FAM171A1: variants seen among roughly 807,000 people sequenced by gnomAD.
FAM171A1 encodes protein FAM171A1.
A neutral mutation model predicts 74.9 loss-of-function variants in FAM171A1; 23 were observed. The observed-to-expected ratio is 0.31, with a 90% CI of 0.22 to 0.44. FAM171A1 has a LOEUF of 0.44. Among genes scored for constraint, FAM171A1 ranks in the 20% least tolerant of loss-of-function variants. The pLI is 1.00. For synonymous variants in FAM171A1, 527 were observed against 505.7 expected (o/e 1.04, Z -0.57); for missense variants, 1,162 against 1,159.2 (o/e 1.00, Z -0.03).
At chr10:15,346,224 G>C (rs1835816006) in intron 1 of FAM171A1, among the ~76,000 whole-genome samples, 2 of 152,230 alleles carry the variant, frequency 1.3e-5, no homozygotes, top group East Asian at 3.9e-4. Flanking sequence ...GCTTCCCAAG[G>C]AGTTGGGACT....
intron 1 of FAM171A1, among the ~76,000 whole-genome samples, chr10:15,305,325 G>A (rs1474385387): frequency 6.6e-6 from 1 of 152,134 alleles, no homozygotes; most frequent in Non-Finnish European, 1.5e-5. Flanking sequence ...AAAAGACTCA[G>A]TATCAGACCT....
intron 3 of FAM171A1, among the ~76,000 whole-genome samples, chr10:15,266,866 CAAAA>C (rs1156974565): frequency 3.4e-4 from 19 of 55,234 alleles, no homozygotes; most frequent in African/African-American, 8.6e-4. Flanking sequence ...GAGACTGTTT[CAAAA>C]AAAAAAAAAA....
In FAM171A1 at chr10:15,327,624, C is replaced by A. The variant is rs557151816; in HGVS notation, c.97+43332G>T. On this transcript the variant is annotated intron_variant, in intron 1 of 7. Transcript: ENST00000378116. ...CGTGATTGCACCACTGCAGTCTAGC[C>A]TGGGAGACAAAACAAGACTCTGTCT... is the stretch of plus-strand genomic sequence containing the variant. Among the ~76,000 whole-genome samples the A allele has an allele frequency of 2.6e-5, 4 of 152,162 alleles. No individual in the cohort carries two copies. In the South Asian group the frequency reaches 8.3e-4, roughly 32 times the overall value.
At chr10:15,310,506 A>T (rs1835347347) in intron 1 of FAM171A1, among the ~76,000 whole-genome samples, 1 of 152,040 alleles carries the variant, frequency 6.6e-6, no homozygotes, top group Non-Finnish European at 1.5e-5. Flanking sequence ...CTGTTCTGCA[A>T]CCCAATACCA....
At chr10:15,227,452 G>C (rs1440528110) in intron 5 of FAM171A1, among the ~76,000 whole-genome samples, 1 of 152,154 alleles carries the variant, frequency 6.6e-6, no homozygotes, top group Non-Finnish European at 1.5e-5. Context: ...GTGCAATCAT[G>C]GCTCACTGTA....
intron 1 of FAM171A1, among the ~76,000 whole-genome samples, chr10:15,314,852 C>T (rs1344143793): frequency 6.6e-6 from 1 of 152,218 alleles, no homozygotes; most frequent in Non-Finnish European, 1.5e-5. Flanking sequence ...CAAGCCAGCA[C>T]CCCTGCCACC....
At chr10:15,347,110 T>C (rs930708445) in intron 1 of FAM171A1, among the ~76,000 whole-genome samples, 4 of 152,232 alleles carry the variant, frequency 2.6e-5, no homozygotes, top group African/African-American at 4.8e-5. Context: ...TCTGCATCTC[T>C]GAGCAACAAT....
rs768237351 is a variant in FAM171A1, at chr10:15,254,813, T to C, written c.485A>G (p.Tyr162Cys). 2 of 1,614,186 alleles carry C rather than the reference T, an allele frequency of 1.2e-6. No homozygotes were observed. Among genetic ancestry groups the C allele is most frequent in the Admixed American group, 3.3e-5 (2 of 60,026 alleles). Reference sequence around the variant, plus strand: ...CGTGAGAAACGCGGTCAGGTCACTGTAGCTGGTGTTCTCAGGCAACCTCAG... The same window carrying C: ...CGTGAGAAACGCGGTCAGGTCACTGCAGCTGGTGTTCTCAGGCAACCTCAG... ...RALRLPENTSYSDLTAFLTAA... is the reference protein window; with the variant it reads ...RALRLPENTSCSDLTAFLTAA... Residue 162 changes from tyrosine (Y) to cysteine (C), a missense_variant, in exon 4 of 8, where the codon TAC becomes TGC. Transcript: ENST00000378116.
At position 15,222,581 on chromosome 10, in the gene FAM171A1, T is replaced by A. The variant is rs1564614431; in HGVS notation, c.755-1521A>T. 3.3e-5 allele frequency among the ~76,000 whole-genome samples: 5 copies of A among 152,268 alleles called. No homozygotes were observed. In the South Asian group the frequency reaches 1.0e-3, roughly 31 times the overall value. On this transcript the variant is annotated intron_variant, in intron 5 of 7. Transcript: ENST00000378116. The stretch of plus-strand genomic sequence containing the variant: ...CAATCATCATCCTGTGACTCATGCC[T>A]GTATTCTACCCAAATGCTTGCCTTG...
intron 1 of FAM171A1, among the ~76,000 whole-genome samples, chr10:15,367,950 A>T (rs1051206199): frequency 2.6e-5 from 4 of 152,228 alleles, no homozygotes; most frequent in Admixed American, 2.0e-4. Flanking sequence ...TGCACAGCTT[A>T]CTGCTCCTCC....
At chr10:15,320,897 T>C (rs1346998969) in intron 1 of FAM171A1, among the ~76,000 whole-genome samples, 1 of 152,236 alleles carries the variant, frequency 6.6e-6, no homozygotes, top group Non-Finnish European at 1.5e-5. Context: ...TGAAAGGTTT[T>C]AAGCAATGCA....
chr10:15,295,223 C>T (rs1490811197), intron 1 of FAM171A1, among the ~76,000 whole-genome samples: 1 of 152,158 alleles, frequency 6.6e-6, no homozygotes, highest in Non-Finnish European at 1.5e-5. Context: ...TAGGCGTGAG[C>T]CACCACGCCC....
intron 1 of FAM171A1, among the ~76,000 whole-genome samples, chr10:15,331,880 C>CATATATATATATATATATATATATATAT (rs71390031): frequency 2.6e-3 from 157 of 59,506 alleles, no homozygotes; most frequent in Non-Finnish European, 3.1e-3. Flanking sequence ...TGTGTGTATA[C>CATATATATATATATATATATATATATAT]ATATATATAT....
chr10:15,345,660 C>A (rs933530718), intron 1 of FAM171A1, among the ~76,000 whole-genome samples: 3 of 152,040 alleles, frequency 2.0e-5, no homozygotes, highest in African/African-American at 7.3e-5. Flanking sequence ...GAAGTGAAGC[C>A]CTGGTGCAAA....
In FAM171A1 at chr10:15,214,381, A is replaced by T; in HGVS notation, c.1207T>A (p.Ser403Thr). 1 of 1,613,478 alleles carries T rather than the reference A, an allele frequency of 6.2e-7. No homozygotes were observed. Among genetic ancestry groups the T allele is most frequent in the Non-Finnish European group, 8.5e-7 (1 of 1,179,658 alleles). ...TGCAGGTCCCCTTCGCCGCCCGGAG[A>T]CATCATTTCCAAATGGACTCCACTC... ...LMSGVHLEMM[S>T]PGGEGDLHTP... The change falls in exon 8 of 8, where the codon TCT (serine) becomes ACT (threonine). Residue 403 changes from serine to threonine, a missense_variant. Coordinates refer to ENST00000378116, the MANE Select transcript of FAM171A1 (RefSeq NM_001010924.2).
intron 1 of FAM171A1, among the ~76,000 whole-genome samples, chr10:15,324,867 C>T (rs1835532026): frequency 6.6e-6 from 1 of 152,178 alleles, no homozygotes; most frequent in African/African-American, 2.4e-5. Flanking sequence ...CCAACTTGTA[C>T]TAAATAAGGA....
intron 1 of FAM171A1, among the ~76,000 whole-genome samples, chr10:15,325,781 G>A (rs1255216558): frequency 6.6e-6 from 1 of 152,204 alleles, no homozygotes; most frequent in Non-Finnish European, 1.5e-5. Context: ...GGACCAGGAA[G>A]TGAATGACGG....
At chr10:15,324,263 AAAGGAAGACGGGGTGATTCAAGCAGAG>A (rs1835522745) in intron 1 of FAM171A1, among the ~76,000 whole-genome samples, 1 of 152,046 alleles carries the variant, frequency 6.6e-6, no homozygotes, top group African/African-American at 2.4e-5. Context: ...GTCTTTTCCT[AAAGGAAGACGGGGTGATTCAAGCAGAG>A]AAGTCCACGC....
chr10:15,312,350 A>G (rs1835369065), intron 1 of FAM171A1, among the ~76,000 whole-genome samples: 1 of 152,230 alleles, frequency 6.6e-6, no homozygotes, highest in South Asian at 2.1e-4. Flanking sequence ...CTGAACTCCA[A>G]AAGGAGTCTG....
Sources: allele counts gnomAD v4.1 joint callset (sites outside exome capture counted in the v4.1 genomes callset), GRCh38; gene constraint gnomAD v4.1.1; transcripts MANE v1.5; gene names NCBI Gene and HGNC (gene_info 2026-07-23, HGNC 2026-07-21).